ATP1A2: variants seen among roughly 807,000 people sequenced by gnomAD.
ATP1A2 encodes sodium/potassium-transporting ATPase subunit alpha-2.
In ATP1A2, 56 loss-of-function variants were observed where a neutral mutation model predicts 113.1. That is an observed-to-expected ratio of 0.49 (90% CI 0.40 to 0.62). The LOEUF is 0.62. Ranked by LOEUF, ATP1A2 falls within the 20% of genes least tolerant of loss-of-function variation. The probability of loss-of-function intolerance (pLI) is 0.00; values close to 1 mark genes in which losing one functional copy is unlikely to be tolerated. For synonymous variants in ATP1A2, 490 were observed against 526.8 expected (o/e 0.93, Z 0.96); for missense variants, 712 against 1,357.8 (o/e 0.52, Z 7.47).
At chr1:160,120,866 C>T in intron 1 of ATP1A2, 40 bp from the exon 2 acceptor site, 1 of 1,539,186 alleles carries the variant, frequency 6.5e-7, no homozygotes. Context: ...GCCCCAGCCC[C>T]TCTCTTCCCT....
At chr1:160,120,516 C>G (rs141363184) in intron 1 of ATP1A2, among the ~76,000 whole-genome samples, 3 of 152,198 alleles carry the variant, frequency 2.0e-5, no homozygotes, top group African/African-American at 7.2e-5. Context: ...AACAACCCCC[C>G]ACAAAACCCT....
intron 20 of ATP1A2, 84 bp downstream of exon 20, chr1:160,137,115 C>T (rs995296138): frequency 1.1e-5 from 17 of 1,602,628 alleles, no homozygotes; most frequent in Middle Eastern, 1.9e-4. Context: ...CCAACTCAGC[C>T]CTGGACCAGA....
chr1:160,127,592 G>A lies in ATP1A2; in HGVS notation c.789G>A (p.Thr263=), dbSNP rs748890267. 2.0e-5 allele frequency: 32 copies of A among 1,614,134 alleles called. No individual in the cohort carries two copies. In the East Asian group the frequency reaches 2.7e-4, roughly 13 times the overall value. ...RGIVIATGDR[T]VMGRIATLAS... Reference sequence around the variant, plus strand: ...TTGTGATTGCCACAGGAGACCGGACGGTGATGGGCCGCATAGCTACTCTCG... The same window carrying A: ...TTGTGATTGCCACAGGAGACCGGACAGTGATGGGCCGCATAGCTACTCTCG... Residue 263 remains threonine (T), a synonymous_variant, in exon 8 of 23, where the codon ACG becomes ACA. Coordinates refer to ENST00000361216, the MANE Select transcript of ATP1A2 (RefSeq NM_000702.4).
rs1651482544 is a variant in ATP1A2 at position 160,123,413 on chromosome 1, C to T, written c.378C>T (p.Asp126=). Residue 126 remains aspartate, a synonymous_variant, in exon 4 of 23, where the codon GAC becomes GAT. Transcript: ENST00000361216. ...CCATGGAGGATGAACCATCCAACGA[C>T]AATGTGAGCCCACACGCCCGACCCG... The part of the protein sequence containing the change: ...QAAMEDEPSN[D]NLYLGVVLAA... The T allele has an allele frequency of 1.2e-6, 2 of 1,614,042 alleles. No homozygotes were observed. The highest frequency in any genetic ancestry group is 1.7e-5 in the Admixed American group (1 of 59,988).
intron 7 of ATP1A2, among the ~76,000 whole-genome samples, chr1:160,126,514 G>T (rs1404233993): frequency 6.6e-6 from 1 of 152,140 alleles, no homozygotes; most frequent in African/African-American, 2.4e-5. Flanking sequence ...TTGTCACCCA[G>T]ACTGGAGTGC....
At position 160,123,133 on chromosome 1, in the gene ATP1A2, C is replaced by T. The variant is rs530467586; in HGVS notation, c.178-80C>T. The T allele has an allele frequency of 5.6e-5, 85 of 1,524,410 alleles. No individual in the cohort carries two copies. The African/African-American group carries it at 7.1e-4, about 13-fold the overall frequency. 94.4% of individuals were successfully genotyped at this position (1,524,410 alleles called of 1,614,324 possible). On this transcript the variant is annotated intron_variant, in intron 3 of 22. Transcript: ENST00000361216. ...TCCTTCTGGGCATTCTTCCCATGCC[C>T]GGGAGCTGAAGGGATGGGCATGGTG...
Position 160,142,949 on chromosome 1 carries a change from T to G in ATP1A2, c.*1627T>G, listed in dbSNP as rs1652198228. 1 of 152,268 alleles carries G rather than the reference T, an allele frequency of 6.6e-6. No individual in the cohort carries two copies. Among genetic ancestry groups the G allele is most frequent in the Admixed American group, 6.5e-5 (1 of 15,290 alleles). 9.4% of individuals were successfully genotyped at this position (152,268 alleles called of 1,614,324 possible). A position where few individuals can be genotyped will look rare whatever the true frequency, so the allele number is the denominator to read the frequency against. On this transcript the variant is annotated 3_prime_UTR_variant, in exon 23 of 23. Transcript: ENST00000361216. ...CAGGTTCCTACAGGAGATAGCTTTC[T>G]TTCCCTTACTCCCTATCTAACACTT...
intron 3 of ATP1A2, 41 bp downstream of exon 3, chr1:160,121,292 GA>G: frequency 6.2e-7 from 1 of 1,607,942 alleles, no homozygotes; most frequent in Non-Finnish European, 8.5e-7. Context: ...AAAGAGGCAA[GA>G]AAACCATGCA....
Position 160,129,366 on chromosome 1 carries a change from C to T in ATP1A2, c.1427C>T (p.Ala476Val), listed in dbSNP as rs1651695022. ...ATGAGAGACAGAAACCCCAAGGTGG[C>T]AGAGATTCCTTTCAACTCTACCAAC... ...RKMRDRNPKV[A>V]EIPFNSTNKY... The change falls in exon 11 of 23, where the codon GCA becomes GTA. Residue 476 changes from alanine to valine, a missense_variant. Ala to Val is a moderately conservative substitution (Grantham distance 64, BLOSUM62 0). Transcript: ENST00000361216. 3 of 1,613,890 alleles carry T rather than the reference C, an allele frequency of 1.9e-6. No individual in the cohort carries two copies. Among genetic ancestry groups the T allele is most frequent in the Non-Finnish European group, 2.5e-6 (3 of 1,180,036 alleles).
chr1:160,117,741 G>A (rs1451274459), intron 1 of ATP1A2, among the ~76,000 whole-genome samples: 4 of 152,174 alleles, frequency 2.6e-5, no homozygotes, highest in East Asian at 3.9e-4. Context: ...TGGCTGTGAA[G>A]GGCAGCGTGG....
chr1:160,142,881 G>T lies in ATP1A2; in HGVS notation c.*1559G>T, dbSNP rs577067860. On this transcript the variant is annotated 3_prime_UTR_variant, in exon 23 of 23. Coordinates refer to ENST00000361216, the MANE Select transcript of ATP1A2 (RefSeq NM_000702.4). ...CCTCCAGGCAAATGCCCTTCAAACCGACGATCATTGTGCCCACTTACCCTG... is the reference window on the plus strand; with the variant it reads ...CCTCCAGGCAAATGCCCTTCAAACCTACGATCATTGTGCCCACTTACCCTG... The T allele has an allele frequency of 6.6e-6, 1 of 152,088 alleles. No individual in the cohort carries two copies. The highest frequency in any genetic ancestry group is 2.4e-5 in the African/African-American group (1 of 41,416). The allele number at this position is 152,088 out of a possible 1,614,324, so 9.4% of individuals were successfully genotyped here.
At position 160,130,129 on chromosome 1, in the gene ATP1A2, C is replaced by T. The variant is rs771093219; in HGVS notation, c.1489C>T (p.Pro497Ser). The change falls in exon 12 of 23, where the codon CCC becomes TCC. Residue 497 changes from proline (P) to serine (S), a missense_variant. Physicochemically the swap from Pro to Ser is moderately conservative, Grantham distance 74. Transcript: ENST00000361216. Reference sequence around the variant, plus strand: ...GTCTATCCACGAGCGAGAAGACAGCCCCCAGAGCCACGTGCTGGTGATGAA... The same window carrying T: ...GTCTATCCACGAGCGAGAAGACAGCTCCCAGAGCCACGTGCTGGTGATGAA... The part of the protein sequence containing the change: ...QLSIHEREDS[P>S]QSHVLVMKGA... 6.2e-7 allele frequency: 1 copy of T among 1,614,220 alleles called. No individual in the cohort carries two copies. Among genetic ancestry groups the T allele is most frequent in the South Asian group, 1.1e-5 (1 of 91,086 alleles).
intron 1 of ATP1A2, among the ~76,000 whole-genome samples, chr1:160,117,752 G>T (rs1651234962): frequency 1.3e-5 from 2 of 152,172 alleles, no homozygotes; most frequent in Admixed American, 1.3e-4. Flanking sequence ...GGCAGCGTGG[G>T]AGTTGGGGGA....
intron 11 of ATP1A2, 92 bp downstream of exon 11, chr1:160,129,492 G>A: frequency 1.3e-6 from 2 of 1,578,480 alleles, no homozygotes; most frequent in Non-Finnish European, 1.7e-6. Context: ...AGCAGGAGTG[G>A]GGGTGTCTGA....
chr1:160,126,663 GT>G (rs1156627041), intron 7 of ATP1A2, among the ~76,000 whole-genome samples: 2 of 151,932 alleles, frequency 1.3e-5, no homozygotes, highest in African/African-American at 4.8e-5. Flanking sequence ...TAGAGATGGG[GT>G]CTCACTATGT....
At chr1:160,136,395 A>G in intron 18 of ATP1A2, 25 bp downstream of exon 18, 1 of 1,613,656 alleles carries the variant, frequency 6.2e-7, no homozygotes, top group Non-Finnish European at 8.5e-7. Flanking sequence ...GGGCCTCGGG[A>G]GGGAACCCCA....
Position 160,121,175 on chromosome 1 carries a change from C to T in ATP1A2, c.118-17C>T. On this transcript the variant is annotated splice_polypyrimidine_tract_variant and intron_variant, in intron 2 of 22. Transcript: ENST00000361216. ...TAGATACCTCCTCCCCAAAGTAACT[C>T]ACCCTCCCTTCCCCAGGATGACCAC... is the stretch of plus-strand genomic sequence containing the variant. 6.2e-7 allele frequency: 1 copy of T among 1,614,188 alleles called. No homozygotes were observed. The highest frequency in any genetic ancestry group is 8.5e-7 in the Non-Finnish European group (1 of 1,180,012).
rs540210426 is a variant in ATP1A2 at position 160,130,346 on chromosome 1, C to A, written c.1651+55C>A. ...GGGGATTCCCAAGCCTCTGCGGCAT[C>A]CCTGGGGTGGGGGACTGTGGGGGCG... On this transcript the variant is annotated intron_variant, in intron 12 of 22. Coordinates refer to ENST00000361216, the MANE Select transcript of ATP1A2 (RefSeq NM_000702.4). 1.7e-5 allele frequency: 27 copies of A among 1,614,108 alleles called. No individual in the cohort carries two copies. In the South Asian group the frequency reaches 3.0e-4, roughly 18 times the overall value.
chr1:160,125,097 C>T, intron 6 of ATP1A2, 39 bp from the exon 7 acceptor site: 2 of 1,559,810 alleles, frequency 1.3e-6, no homozygotes, highest in Non-Finnish European at 1.8e-6. Flanking sequence ...ATACAAGTGG[C>T]TCTGCCAGTC....
Sources: allele counts gnomAD v4.1 joint callset (sites outside exome capture counted in the v4.1 genomes callset), GRCh38; gene constraint gnomAD v4.1.1; transcripts MANE v1.5; gene names NCBI Gene and HGNC (gene_info 2026-07-23, HGNC 2026-07-21).